The following NCAPD3 variants were observed in gnomAD, a reference collection of about 807,000 sequenced individuals.
NCAPD3 encodes condensin-2 complex subunit D3.
Under a neutral mutation model 182.9 loss-of-function variants are expected in NCAPD3, and 105 were observed. The observed-to-expected ratio is 0.57, with a 90% CI of 0.49 to 0.68. NCAPD3 has a LOEUF of 0.68. Ranked by LOEUF, NCAPD3 falls within the 30% of genes least tolerant of loss-of-function variation. The pLI is 0.00. For missense variants in NCAPD3, 1,944 were observed against 1,837.0 expected, an observed-to-expected ratio of 1.06 and a Z score of -1.07; for synonymous variants, 815 against 679.9, an observed-to-expected ratio of 1.20 and a Z score of -3.09.
Position 134,220,602 on chromosome 11 carries a change from G to A in NCAPD3, c.189C>T (p.Pro63=). 1.2e-6 allele frequency: 2 copies of A among 1,613,900 alleles called. No homozygotes were observed. The highest frequency in any genetic ancestry group is 2.2e-5 in the South Asian group (2 of 91,042). ...AFTKLYESLL[P]FATGEHGSME... ...TAGATCCATGTTCTCCAGTAGCAAAGGGTAAAAGGCTTTCATAGAGTTTTG... is the reference window on the plus strand; with the variant it reads ...TAGATCCATGTTCTCCAGTAGCAAAAGGTAAAAGGCTTTCATAGAGTTTTG... Residue 63 remains proline (P), a synonymous_variant, in exon 2 of 35, where the codon CCC becomes CCT. Coordinates refer to ENST00000534548, the MANE Select transcript of NCAPD3 (RefSeq NM_015261.3).
At chr11:134,217,567 T>A (rs1938075033) in intron 2 of NCAPD3, among the ~76,000 whole-genome samples, 2 of 152,120 alleles carry the variant, frequency 1.3e-5, no homozygotes, top group African/African-American at 4.8e-5. Context: ...ATGAAAGAGA[T>A]CTCGGAAATG....
rs767967565 is a variant in NCAPD3, at chr11:134,159,887, C to A, written c.3867+5G>T. On this transcript the variant is annotated splice_donor_5th_base_variant and intron_variant, in intron 29 of 34. Coordinates refer to ENST00000534548, the MANE Select transcript of NCAPD3 (RefSeq NM_015261.3). ...TGGTCACAGTGCAGTGGGCCCCACA[C>A]CTACCTGTGCCACAGGTGCCACCTC... is the stretch of plus-strand genomic sequence containing the variant. The A allele has an allele frequency of 6.2e-7, 1 of 1,610,880 alleles. No homozygotes were observed. The highest frequency in any genetic ancestry group is 1.3e-5 in the African/African-American group (1 of 74,928).
At position 134,172,693 on chromosome 11, in the gene NCAPD3, G is replaced by A. The variant is rs542877972; in HGVS notation, c.3101+3614C>T. 2.6e-5 allele frequency among the ~76,000 whole-genome samples: 4 copies of A among 152,200 alleles called. No individual in the cohort carries two copies. In the South Asian group the frequency reaches 6.2e-4, roughly 24 times the overall value. ...CCACCACCTATCGGGCAGACAGGAAGACAGATCATAGAATTCTGTAGCCTC... is the reference window on the plus strand; with the variant it reads ...CCACCACCTATCGGGCAGACAGGAAAACAGATCATAGAATTCTGTAGCCTC... On this transcript the variant is annotated intron_variant, in intron 24 of 34. Transcript: ENST00000534548.
chr11:134,171,957 T>C (rs1944015770), intron 24 of NCAPD3, among the ~76,000 whole-genome samples: 1 of 152,192 alleles, frequency 6.6e-6, no homozygotes, highest in Admixed American at 6.5e-5. Flanking sequence ...CATGTCTGCT[T>C]GGTTTCGTGT....
chr11:134,191,386 G>A (rs1273305747), intron 16 of NCAPD3, among the ~76,000 whole-genome samples: 2 of 152,062 alleles, frequency 1.3e-5, no homozygotes, highest in Non-Finnish European at 2.9e-5. Flanking sequence ...GGCAGAGGTG[G>A]CTATCACCTA....
At chr11:134,219,317 G>A (rs910969532) in intron 2 of NCAPD3, among the ~76,000 whole-genome samples, 4 of 152,116 alleles carry the variant, frequency 2.6e-5, no homozygotes, top group Non-Finnish European at 5.9e-5. Flanking sequence ...ATTTTTCACA[G>A]TGTGGTTCGT....
chr11:134,179,374 T>G (rs1944243289), intron 20 of NCAPD3, among the ~76,000 whole-genome samples: 1 of 152,238 alleles, frequency 6.6e-6, no homozygotes, highest in Non-Finnish European at 1.5e-5. Flanking sequence ...TATAGTATTT[T>G]GAAGTCTGCA....
intron 14 of NCAPD3, 78 bp from the exon 15 acceptor site, chr11:134,194,228 C>T (rs961160914): frequency 7.1e-7 from 1 of 1,412,908 alleles, no homozygotes. Context: ...CAAAGGAACA[C>T]TTCCTTTAAG....
intron 3 of NCAPD3, 112 bp from the exon 4 acceptor site, chr11:134,210,566 TA>T: frequency 1.1e-6 from 1 of 945,520 alleles, no homozygotes; most frequent in Non-Finnish European, 1.6e-6. Context: ...TGACTGTGAA[TA>T]ACAATGAACC....
chr11:134,205,965 G>A (rs1464211247), intron 8 of NCAPD3, among the ~76,000 whole-genome samples: 4 of 151,988 alleles, frequency 2.6e-5, no homozygotes, highest in Non-Finnish European at 5.9e-5. Context: ...ACCATGTCTC[G>A]GCACCACCTC....
chr11:134,191,875 AT>A (rs1292883466), intron 16 of NCAPD3, among the ~76,000 whole-genome samples: 2 of 152,140 alleles, frequency 1.3e-5, no homozygotes, highest in African/African-American at 4.8e-5. Flanking sequence ...CCGGAAGGTG[AT>A]TTTATTTTTC....
intron 8 of NCAPD3, among the ~76,000 whole-genome samples, chr11:134,205,538 C>T (rs1328811093): frequency 2.0e-5 from 3 of 152,018 alleles, no homozygotes; most frequent in African/African-American, 7.3e-5. Context: ...CGCCACCACG[C>T]CTAGTTTCTG....
Position 134,152,754 on chromosome 11 carries a change from G to A in NCAPD3, c.*190C>T. ...TAAATCTGGCACATCTCTATTATTT[G>A]ACAGTGTTTAACCAAATACATCATA... On this transcript the variant is annotated 3_prime_UTR_variant, in exon 35 of 35. Transcript: ENST00000534548. 1 of 485,860 alleles carries A rather than the reference G, an allele frequency of 2.1e-6. No individual in the cohort carries two copies. Among genetic ancestry groups the A allele is most frequent in the Admixed American group, 3.7e-5 (1 of 26,988 alleles). The allele number at this position is 485,860 out of a possible 1,614,324, so 30.1% of individuals were successfully genotyped here. A position where few individuals can be genotyped will look rare whatever the true frequency, so the allele number is the denominator to read the frequency against.
chr11:134,223,335 G>A, intron 1 of NCAPD3: 7 of 682,574 alleles, frequency 1.0e-5, no homozygotes, highest in Non-Finnish European at 1.9e-5. Flanking sequence ...CTCAGAGGCA[G>A]GACAGTGGTA....
In NCAPD3 at chr11:134,160,065, G is replaced by T; in HGVS notation, c.3694C>A (p.Gln1232Lys). 1 of 1,613,796 alleles carries T rather than the reference G, an allele frequency of 6.2e-7. No individual in the cohort carries two copies. Among genetic ancestry groups the T allele is most frequent in the South Asian group, 1.1e-5 (1 of 91,054 alleles). The change falls in exon 29 of 35, where the codon CAG becomes AAG. Residue 1232 changes from glutamine (Q) to lysine (K), a missense_variant. Coordinates refer to ENST00000534548, the MANE Select transcript of NCAPD3 (RefSeq NM_015261.3). ...TCCTTGAGCTCATCTCGGTAATCCT[G>T]CATCACCTCCTGAAACAGAGCCAGG... is the stretch of plus-strand genomic sequence containing the variant. Reference protein sequence around the residue: ...ELMHYLREVMQDYRDELKDFF... With the variant: ...ELMHYLREVMKDYRDELKDFF...
chr11:134,203,218 TAAG>T lies in NCAPD3; in HGVS notation c.1469-23_1469-21del. ...TAGGACCTAAAAACAAGAAGAAAGA[TAAG>T]AAGGAAGAAGTCAGTATCATAAACT... On this transcript the variant is annotated intron_variant, in intron 11 of 34. Coordinates refer to ENST00000534548, the MANE Select transcript of NCAPD3 (RefSeq NM_015261.3). 1 of 1,550,462 alleles carries T rather than the reference TAAG, an allele frequency of 6.4e-7. No homozygotes were observed. Among genetic ancestry groups the T allele is most frequent in the African/African-American group, 1.4e-5 (1 of 73,526 alleles).
chr11:134,203,662 A>T lies in NCAPD3; in HGVS notation c.1460T>A (p.Leu487Gln). The change falls in exon 11 of 35, where the codon CTG becomes CAG. Residue 487 changes from leucine to glutamine, a missense_variant. Physicochemically the swap from Leu to Gln is moderately radical, Grantham distance 113. Around this residue, in one of 3 missense-constraint regions of NCAPD3, gnomAD observed 1,803 missense variants for 1,674.6 expected, o/e 1.08. Transcript: ENST00000534548. ...ATAGTCGCCATACTCACTGTTAATC[A>T]GGAGCTCCAGGATACTCTCCGACGC... ...TSASESILEL[L>Q]INSPTFSVIE... is the part of the protein sequence containing the mutation. 2 of 1,612,346 alleles carry T rather than the reference A, an allele frequency of 1.2e-6. No homozygotes were observed. Among genetic ancestry groups the T allele is most frequent in the Non-Finnish European group, 1.7e-6 (2 of 1,179,896 alleles).
At chr11:134,162,358 G>A (rs954175284) in intron 27 of NCAPD3, among the ~76,000 whole-genome samples, 2 of 152,140 alleles carry the variant, frequency 1.3e-5, no homozygotes, top group African/African-American at 2.4e-5. Context: ...AAGACAGCCA[G>A]CTCTGTCTCT....
chr11:134,164,487 T>C (rs1943698060), intron 27 of NCAPD3, among the ~76,000 whole-genome samples: 1 of 152,212 alleles, frequency 6.6e-6, no homozygotes, highest in African/African-American at 2.4e-5. Flanking sequence ...CACCAGAGCA[T>C]GGCACCAGGA....
Sources: gnomAD v4.1 joint callset for allele counts (sites outside exome capture counted in the v4.1 genomes callset) on GRCh38, gnomAD v4.1.1 for gene constraint, gnomAD v4.1.1 regional missense constraint, MANE v1.5 for transcripts, NCBI Gene and HGNC (gene_info 2026-07-23, HGNC 2026-07-21) for gene names.